PJA2: variants seen among roughly 807,000 people sequenced by gnomAD.
PJA2 encodes the protein E3 ubiquitin-protein ligase Praja-2.
Under a neutral mutation model 69.3 loss-of-function variants are expected in PJA2, and 25 were observed. The observed-to-expected ratio is 0.36, with a 90% CI of 0.26 to 0.50. The LOEUF is 0.50. Ranked by LOEUF, PJA2 falls within the 20% of genes least tolerant of loss-of-function variation. The probability of loss-of-function intolerance (pLI) is 0.96; values close to 1 mark genes in which losing one functional copy is unlikely to be tolerated. For synonymous variants in PJA2, 308 were observed against 277.8 expected (o/e 1.11, Z -1.08); for missense variants, 809 against 830.2 (o/e 0.97, Z 0.31).
chr5:109,358,727 T>C (rs960623016), intron 6 of PJA2, among the ~76,000 whole-genome samples: 4 of 152,062 alleles, frequency 2.6e-5, no homozygotes, highest in Non-Finnish European at 4.4e-5. Context: ...AGGCTGAGGC[T>C]GGACAATCAC....
intron 1 of PJA2, among the ~76,000 whole-genome samples, chr5:109,395,067 G>C (rs577702481): frequency 2.0e-5 from 3 of 152,132 alleles, no homozygotes; most frequent in Non-Finnish European, 4.4e-5. Context: ...AGTGTTCCAA[G>C]TACCCGGCAG....
rs1234394626 is a variant in PJA2, at chr5:109,378,979, G to A, written c.508C>T (p.Pro170Ser). ...IALVHTDSYD[P>S]DGKHGEDNDH... ...TTATCTTCTCCATGTTTGCCATCTG[G>A]ATCATAAGAGTCTGTATGAACCAAT... The change falls in exon 4 of 10, where the codon CCA (proline) becomes TCA (serine). Residue 170 changes from proline to serine, a missense_variant. Physicochemically the swap from Pro to Ser is moderately conservative, Grantham distance 74. This residue lies in a region of PJA2 where 700 missense variants were observed against 639.5 expected (regional missense o/e 1.09). Transcript: ENST00000361189. The A allele has an allele frequency of 2.5e-6, 4 of 1,614,100 alleles. No individual in the cohort carries two copies. Among genetic ancestry groups the A allele is most frequent in the South Asian group, 2.2e-5 (2 of 91,078 alleles).
chr5:109,342,377 G>A (rs1762085419), intron 9 of PJA2, among the ~76,000 whole-genome samples: 2 of 124,586 alleles, frequency 1.6e-5, no homozygotes, highest in Admixed American at 7.9e-5. Context: ...GAGGGAGGTG[G>A]GGGGGTCGGC....
intron 1 of PJA2, among the ~76,000 whole-genome samples, chr5:109,399,410 A>G (rs1376229297): frequency 2.0e-5 from 3 of 152,198 alleles, no homozygotes; most frequent in Non-Finnish European, 2.9e-5. Context: ...GGATAATGAC[A>G]GTGTGTGGAG....
At chr5:109,384,825 T>G (rs1747122706) in intron 1 of PJA2, among the ~76,000 whole-genome samples, 1 of 147,444 alleles carries the variant, frequency 6.8e-6, no homozygotes, top group African/African-American at 2.6e-5. Flanking sequence ...TGTTTTAACT[T>G]TTTTTTTTTT....
At chr5:109,385,751 G>T (rs756161098) in intron 1 of PJA2, among the ~76,000 whole-genome samples, 1 of 152,126 alleles carries the variant, frequency 6.6e-6, no homozygotes, top group Non-Finnish European at 1.5e-5. Context: ...AGCAGAGATT[G>T]AGTATCCCTT....
intron 9 of PJA2, among the ~76,000 whole-genome samples, chr5:109,338,996 C>A (rs575199453): frequency 6.6e-6 from 1 of 152,298 alleles, no homozygotes; most frequent in East Asian, 1.9e-4. Flanking sequence ...GGAATTTAAA[C>A]TGCACCTACC....
Position 109,381,755 on chromosome 5 carries a change from T to C in PJA2, c.32-52A>G, listed in dbSNP as rs774669484. ...CAGGAACAGCAATGAGCTTTATTCT[T>C]GCAACCTGTTGGGGAAAACTACTTC... On this transcript the variant is annotated intron_variant, in intron 2 of 9. Coordinates refer to ENST00000361189, the MANE Select transcript of PJA2 (RefSeq NM_014819.5). The C allele has an allele frequency of 1.3e-5, 19 of 1,507,490 alleles. No homozygotes were observed. In the South Asian group the frequency reaches 1.7e-4, roughly 14 times the overall value. 93.4% of individuals were successfully genotyped at this position (1,507,490 alleles called of 1,614,324 possible).
At chr5:109,391,117 C>G (rs368724211) in intron 1 of PJA2, among the ~76,000 whole-genome samples, 1 of 152,068 alleles carries the variant, frequency 6.6e-6, no homozygotes, top group Non-Finnish European at 1.5e-5. Context: ...AAATCATAAA[C>G]GAAACCAGTT....
intron 7 of PJA2, among the ~76,000 whole-genome samples, chr5:109,354,203 TATCTATA>T (rs1160995007): frequency 1.4e-5 from 2 of 147,006 alleles, no homozygotes; most frequent in African/African-American, 4.9e-5. Context: ...TATCTAGAGA[TATCTATA>T]GATTAGATAT....
chr5:109,399,938 T>C (rs967034833), intron 1 of PJA2, among the ~76,000 whole-genome samples: 4 of 151,882 alleles, frequency 2.6e-5, no homozygotes, highest in African/African-American at 9.7e-5. Flanking sequence ...TTAACAGAAA[T>C]GAAGAATGCA....
intron 1 of PJA2, among the ~76,000 whole-genome samples, chr5:109,396,216 G>A (rs1037231069): frequency 3.3e-5 from 5 of 152,042 alleles, no homozygotes; most frequent in Non-Finnish European, 7.4e-5. Context: ...AAACACTTCA[G>A]TGGATGGAGA....
At chr5:109,405,860 T>C (rs4259210) in intron 1 of PJA2, among the ~76,000 whole-genome samples, 26,353 of 151,784 alleles carry the variant, frequency 0.17, 3,492 homozygotes, top group East Asian at 0.36. Flanking sequence ...GCACAAATCA[T>C]AAGAAAAAGT....
At chr5:109,364,409 G>A (rs866319345) in intron 5 of PJA2, among the ~76,000 whole-genome samples, 3 of 151,722 alleles carry the variant, frequency 2.0e-5, no homozygotes, top group African/African-American at 4.8e-5. Context: ...GGATCACGAG[G>A]TCAGGAGATC....
At chr5:109,381,433 C>A in intron 3 of PJA2, 70 bp downstream of exon 3, 1 of 1,361,190 alleles carries the variant, frequency 7.3e-7, no homozygotes, top group Non-Finnish European at 1.0e-6. Flanking sequence ...AATACCCACC[C>A]AAAAATTTAA....
intron 8 of PJA2, 40 bp downstream of exon 8, chr5:109,344,665 C>A (rs372141269): frequency 3.1e-5 from 40 of 1,302,004 alleles, no homozygotes; most frequent in Non-Finnish European, 4.1e-5. Flanking sequence ...CTTAAATGTA[C>A]AATGTGTTCT....
chr5:109,378,152 G>A, intron 4 of PJA2, 52 bp downstream of exon 4: 1 of 1,337,870 alleles, frequency 7.5e-7, no homozygotes, highest in Non-Finnish European at 1.0e-6. Flanking sequence ...GTTCTAGAAA[G>A]AAACCACTTC....
At chr5:109,338,295 G>C (rs989062562) in intron 9 of PJA2, among the ~76,000 whole-genome samples, 4 of 152,142 alleles carry the variant, frequency 2.6e-5, no homozygotes, top group African/African-American at 9.7e-5. Flanking sequence ...TTACAGCAAA[G>C]TCTCAAGTAC....
chr5:109,406,540 G>A (rs1747697111), intron 1 of PJA2, among the ~76,000 whole-genome samples: 1 of 152,188 alleles, frequency 6.6e-6, no homozygotes, highest in African/African-American at 2.4e-5. Context: ...TGAGGATGAT[G>A]TGGAGCAATT....
Sources: gnomAD v4.1 joint callset for allele counts (sites outside exome capture counted in the v4.1 genomes callset) on GRCh38, gnomAD v4.1.1 for gene constraint, gnomAD v4.1.1 regional missense constraint, MANE v1.5 for transcripts, NCBI Gene and HGNC (gene_info 2026-07-23, HGNC 2026-07-21) for gene names.